The following ATXN7L1 variants were observed in gnomAD, a reference collection of about 807,000 sequenced individuals.
ATXN7L1 encodes the protein ataxin-7-like protein 1.
ATXN7L1 carries 15 observed loss-of-function variants against 70.8 expected under a neutral mutation model. The ratio of observed to expected loss-of-function variants is 0.21; its 90% CI spans 0.14 to 0.33. The LOEUF is 0.33. Among genes scored for constraint, ATXN7L1 ranks in the 10% least tolerant of loss-of-function variants. The probability of loss-of-function intolerance (pLI) is 1.00; values close to 1 mark genes in which losing one functional copy is unlikely to be tolerated. For synonymous variants in ATXN7L1, 440 were observed against 445.1 expected (o/e 0.99, Z 0.14); for missense variants, 975 against 1,097.1 (o/e 0.89, Z 1.57).
chr7:105,734,678 C>G (rs923175117), intron 3 of ATXN7L1, among the ~76,000 whole-genome samples: 1 of 150,682 alleles, frequency 6.6e-6, no homozygotes, highest in African/African-American at 2.4e-5. Flanking sequence ...GAGTTTCTTA[C>G]GTGATGGAGC....
At chr7:105,620,404 A>G (rs1794747549) in intron 8 of ATXN7L1, 83 bp from the exon 9 acceptor site, 2 of 1,364,858 alleles carry the variant, frequency 1.5e-6, no homozygotes, top group Non-Finnish European at 2.0e-6. Context: ...CATTTACATA[A>G]AAACATACAA....
intron 2 of ATXN7L1, among the ~76,000 whole-genome samples, chr7:105,833,666 T>C (rs1182123955): frequency 1.3e-5 from 2 of 152,254 alleles, no homozygotes; most frequent in African/African-American, 4.8e-5. Context: ...TACATTTCAC[T>C]GTATGTAGTT....
chr7:105,875,743 A>G (rs906050579), intron 2 of ATXN7L1, 69 bp downstream of exon 2: 4 of 1,504,678 alleles, frequency 2.7e-6, no homozygotes, highest in Non-Finnish European at 2.8e-6. Flanking sequence ...AACAATTCAC[A>G]TTATATTCGA....
At chr7:105,793,767 A>G (rs1380851547) in intron 2 of ATXN7L1, among the ~76,000 whole-genome samples, 1 of 152,210 alleles carries the variant, frequency 6.6e-6, no homozygotes, top group Non-Finnish European at 1.5e-5. Context: ...ATAGAGTGCT[A>G]GCACCACCAC....
intron 3 of ATXN7L1, chr7:105,761,099 G>C: frequency 9.6e-7 from 1 of 1,040,180 alleles, no homozygotes; most frequent in Non-Finnish European, 1.2e-6. Context: ...ACAGCTGGAA[G>C]GCTTTTGCAG....
rs930840698 is a variant in ATXN7L1 at position 105,852,417 on chromosome 7, T to C, written c.250+23395A>G. Reference sequence around the variant, plus strand: ...CCTCCCTGGAAAGCAAAAGCACTAGTGGCCTTGTGTGATCCTGGCCTCTCA... The same window carrying C: ...CCTCCCTGGAAAGCAAAAGCACTAGCGGCCTTGTGTGATCCTGGCCTCTCA... On this transcript the variant is annotated intron_variant, in intron 2 of 11. Coordinates refer to ENST00000419735, the MANE Select transcript of ATXN7L1 (RefSeq NM_020725.2). Among the ~76,000 whole-genome samples the C allele has an allele frequency of 3.3e-5, 5 of 152,296 alleles. No homozygotes were observed. The East Asian group carries it at 5.8e-4, about 18-fold the overall frequency.
intron 2 of ATXN7L1, among the ~76,000 whole-genome samples, chr7:105,801,468 A>C (rs1418251286): frequency 6.6e-6 from 1 of 152,226 alleles, no homozygotes; most frequent in East Asian, 1.9e-4. Flanking sequence ...ATAGCTCCTA[A>C]ACTTAGCCAA....
intron 3 of ATXN7L1, chr7:105,761,510 A>G: frequency 6.2e-7 from 1 of 1,604,652 alleles, no homozygotes; most frequent in Non-Finnish European, 8.5e-7. Flanking sequence ...TGGTATCAAC[A>G]TGGCTCCTTT....
At chr7:105,848,001 A>G (rs1814316142) in intron 2 of ATXN7L1, among the ~76,000 whole-genome samples, 1 of 152,244 alleles carries the variant, frequency 6.6e-6, no homozygotes, top group South Asian at 2.1e-4. Flanking sequence ...TGTGATCCAA[A>G]TATGACAGAC....
At chr7:105,692,871 G>A (rs1311032745) in intron 3 of ATXN7L1, among the ~76,000 whole-genome samples, 7 of 151,616 alleles carry the variant, frequency 4.6e-5, no homozygotes, top group East Asian at 1.9e-4. Flanking sequence ...CTAAGGAGCC[G>A]CACCACTGCC....
At chr7:105,857,629 A>AAGG (rs1815927811) in intron 2 of ATXN7L1, among the ~76,000 whole-genome samples, 1 of 152,140 alleles carries the variant, frequency 6.6e-6, no homozygotes, top group Non-Finnish European at 1.5e-5. Context: ...AAGGTGGGAG[A>AAGG]AGGATTATTT....
intron 3 of ATXN7L1, among the ~76,000 whole-genome samples, chr7:105,772,792 C>A (rs911307452): frequency 6.6e-6 from 1 of 152,126 alleles, no homozygotes. Flanking sequence ...GAATACTGTA[C>A]ACAAGAGAGA....
At chr7:105,837,180 G>A (rs80077920) in intron 2 of ATXN7L1, among the ~76,000 whole-genome samples, 8,731 of 152,102 alleles carry the variant, frequency 0.057, 407 homozygotes, top group East Asian at 0.22. Flanking sequence ...CATTCATGAG[G>A]GGTCCACCCC....
intron 3 of ATXN7L1, among the ~76,000 whole-genome samples, chr7:105,728,631 G>A (rs1318244998): frequency 6.6e-6 from 1 of 152,148 alleles, no homozygotes; most frequent in Non-Finnish European, 1.5e-5. Flanking sequence ...CACTCCAGCT[G>A]CAATGAGCAT....
rs143106085 is a variant in ATXN7L1, at chr7:105,824,294, G to T, written c.251-35586C>A. On this transcript the variant is annotated intron_variant, in intron 2 of 11. Coordinates refer to ENST00000419735, the MANE Select transcript of ATXN7L1 (RefSeq NM_020725.2). Reference sequence around the variant, plus strand: ...CTAAAACACCCTGAACCTCCAAGCCGCTTGTAGTGCCTCACTCTTAAATAT... The same window carrying T: ...CTAAAACACCCTGAACCTCCAAGCCTCTTGTAGTGCCTCACTCTTAAATAT... 2.2e-3 allele frequency among the ~76,000 whole-genome samples: 335 copies of T among 152,224 alleles called. 2 individuals are homozygous for T. The highest frequency in any genetic ancestry group is 7.8e-3 in the African/African-American group (322 of 41,524).
chr7:105,640,710 A>G (rs1284055825), intron 5 of ATXN7L1, among the ~76,000 whole-genome samples: 1 of 152,186 alleles, frequency 6.6e-6, no homozygotes, highest in Admixed American at 6.5e-5. Flanking sequence ...TTTTTTGTAG[A>G]TACAGGGTCT....
At chr7:105,863,379 G>C (rs989426923) in intron 2 of ATXN7L1, among the ~76,000 whole-genome samples, 1 of 152,204 alleles carries the variant, frequency 6.6e-6, no homozygotes, top group African/African-American at 2.4e-5. Flanking sequence ...CAGTCAAGGG[G>C]GAATGAAAGG....
intron 2 of ATXN7L1, among the ~76,000 whole-genome samples, chr7:105,856,352 G>C (rs899719605): frequency 3.3e-5 from 5 of 152,182 alleles, no homozygotes; most frequent in African/African-American, 1.2e-4. Context: ...TTGGGAGGCT[G>C]AGGCGGGTCG....
intron 2 of ATXN7L1, among the ~76,000 whole-genome samples, chr7:105,793,109 C>T (rs1805489503): frequency 6.6e-6 from 1 of 152,238 alleles, no homozygotes; most frequent in African/African-American, 2.4e-5. Context: ...CAAAATGCTT[C>T]TTACGTAGAA....
Sources: allele counts gnomAD v4.1 joint callset (sites outside exome capture counted in the v4.1 genomes callset), GRCh38; gene constraint gnomAD v4.1.1; transcripts MANE v1.5; gene names NCBI Gene and HGNC (gene_info 2026-07-23, HGNC 2026-07-21).